GARIN2: variants seen among roughly 807,000 people sequenced by gnomAD.
GARIN2 encodes the protein Golgi-associated RAB2 interactor protein 2.
At chr14:67,200,257 C>A in the GARIN2 span, 1 of 858,430 alleles carries the variant, frequency 1.2e-6, no homozygotes, top group Non-Finnish European at 1.8e-6. Flanking sequence ...CAGCCTCTCC[C>A]TCCAACCAGG....
the GARIN2 span, among the ~76,000 whole-genome samples, chr14:67,192,861 TATATATAG>T: frequency 6.5e-5 from 9 of 139,072 alleles, no homozygotes; most frequent in Admixed American, 1.4e-4. Flanking sequence ...GATATACAGA[TATATATAG>T]ATATATAGAT....
At chr14:67,224,291 C>T in the GARIN2 span, among the ~76,000 whole-genome samples, 1 of 144,812 alleles carries the variant, frequency 6.9e-6, no homozygotes, top group Non-Finnish European at 1.5e-5. Flanking sequence ...CAGAGTCTTA[C>T]TCTGTCGCCC....
At chr14:67,190,209 C>T in the GARIN2 span, among the ~76,000 whole-genome samples, 1 of 147,450 alleles carries the variant, frequency 6.8e-6, no homozygotes, top group Non-Finnish European at 1.5e-5. Flanking sequence ...GCCACTGTGC[C>T]CAGCCTTTTG....
the GARIN2 span, chr14:67,199,003 CAA>C: frequency 6.1e-5 from 43 of 706,768 alleles, 1 homozygote; most frequent in South Asian, 6.4e-4. Context: ...AGAGGGGTGA[CAA>C]GGGAGGACAA....
chr14:67,216,821 G>A, the GARIN2 span, among the ~76,000 whole-genome samples: 1 of 152,020 alleles, frequency 6.6e-6, no homozygotes, highest in African/African-American at 2.4e-5. Flanking sequence ...CATTTGTTTT[G>A]TGTCCTAACA....
the GARIN2 span, among the ~76,000 whole-genome samples, chr14:67,217,834 TG>T: frequency 1.5e-3 from 222 of 152,354 alleles, no homozygotes; most frequent in African/African-American, 5.1e-3. Flanking sequence ...GGAGAATTAT[TG>T]TTTTTCTTTG....
chr14:67,223,491 T>G, the GARIN2 span, among the ~76,000 whole-genome samples: 1 of 152,342 alleles, frequency 6.6e-6, no homozygotes, highest in East Asian at 1.9e-4. Flanking sequence ...GCTGCCATGT[T>G]TGTAGTCCTG....
chr14:67,210,882 T>C, the GARIN2 span, among the ~76,000 whole-genome samples: 1,623 of 152,156 alleles, frequency 0.011, 25 homozygotes, highest in African/African-American at 0.036. Context: ...CATGTGTCTG[T>C]AGTCCCAGCT....
At chr14:67,207,083 T>C in the GARIN2 span, among the ~76,000 whole-genome samples, 1 of 152,218 alleles carries the variant, frequency 6.6e-6, no homozygotes, top group Non-Finnish European at 1.5e-5. Flanking sequence ...AAAGTGAAGT[T>C]TTATCCTTAA....
At chr14:67,216,199 G>C in the GARIN2 span, among the ~76,000 whole-genome samples, 1 of 152,010 alleles carries the variant, frequency 6.6e-6, no homozygotes, top group African/African-American at 2.4e-5. Flanking sequence ...ATTACATTAA[G>C]ATTTACTCCT....
At chr14:67,208,515 T>A in the GARIN2 span, 7 of 1,507,832 alleles carry the variant, frequency 4.6e-6, no homozygotes, top group Non-Finnish European at 5.4e-6. Context: ...AAATATGTGC[T>A]TTAGTCTCTT....
chr14:67,202,489 C>G, the GARIN2 span, among the ~76,000 whole-genome samples: 1 of 152,104 alleles, frequency 6.6e-6, no homozygotes, highest in African/African-American at 2.4e-5. Flanking sequence ...TACATTATAT[C>G]TAAAATAAGG....
chr14:67,214,365 G>T, the GARIN2 span, among the ~76,000 whole-genome samples: 1 of 152,192 alleles, frequency 6.6e-6, no homozygotes, highest in African/African-American at 2.4e-5. Context: ...AAGGGATCCA[G>T]TTTCAGCTTT....
the GARIN2 span, among the ~76,000 whole-genome samples, chr14:67,206,939 A>C: frequency 6.6e-6 from 1 of 152,236 alleles, no homozygotes; most frequent in East Asian, 1.9e-4. Flanking sequence ...CATGTTGCCC[A>C]AGCTGGTCTC....
the GARIN2 span, among the ~76,000 whole-genome samples, chr14:67,191,889 A>G: frequency 6.6e-6 from 1 of 152,242 alleles, no homozygotes. Flanking sequence ...TCAAATGAAA[A>G]CTATACTGTA....
chr14:67,200,146 G>T, the GARIN2 span: 1 of 1,132,716 alleles, frequency 8.8e-7, no homozygotes, highest in Non-Finnish European at 1.3e-6. Context: ...ATCTCCCATG[G>T]GTCACCCAGG....
chr14:67,217,317 C>T, the GARIN2 span, among the ~76,000 whole-genome samples: 6 of 152,172 alleles, frequency 3.9e-5, no homozygotes, highest in Non-Finnish European at 5.9e-5. Context: ...AAGTAAGTTT[C>T]ATGTAGGCAG....
chr14:67,204,881 C>T, the GARIN2 span: 1 of 1,613,936 alleles, frequency 6.2e-7, no homozygotes, highest in Non-Finnish European at 8.5e-7. Context: ...ATAGATTTCC[C>T]AGAATTCACA....
chr14:67,200,163 G>T, the GARIN2 span: 2 of 1,158,374 alleles, frequency 1.7e-6, no homozygotes, highest in Non-Finnish European at 2.4e-6. Flanking sequence ...CAGGTCCTAT[G>T]CCTCCACATG....
Sources: gnomAD v4.1 joint callset for allele counts (sites outside exome capture counted in the v4.1 genomes callset) on GRCh38, gnomAD v4.1.1 for gene constraint, MANE v1.5 for transcripts, NCBI Gene and HGNC (gene_info 2026-07-23, HGNC 2026-07-21) for gene names.